GAPDHS: variants seen among roughly 807,000 people sequenced by gnomAD.
The protein encoded by GAPDHS is glyceraldehyde-3-phosphate dehydrogenase, testis-specific.
Under a neutral mutation model 48.7 loss-of-function variants are expected in GAPDHS, and 42 were observed. That is an observed-to-expected ratio of 0.86 (90% CI 0.67 to 1.12). GAPDHS has a LOEUF of 1.12. Ranked by LOEUF, GAPDHS falls within the 50% of genes most tolerant of loss-of-function variation. The pLI, the probability that GAPDHS is intolerant of heterozygous loss-of-function variation, is 0.00. For synonymous variants in GAPDHS, 166 were observed against 219.1 expected (o/e 0.76, Z 2.14); for missense variants, 512 against 557.7 (o/e 0.92, Z 0.82).
chr19:35,533,641 G>A (rs1568679978), intron 1 of GAPDHS, 47 bp downstream of exon 1: 1 of 1,454,170 alleles, frequency 6.9e-7, no homozygotes, highest in East Asian at 2.3e-5. Flanking sequence ...AAAGGGTAGT[G>A]GGGAGCGTCT....
intron 2 of GAPDHS, 117 bp downstream of exon 2, chr19:35,537,107 T>A: frequency 1.2e-6 from 1 of 848,174 alleles, no homozygotes; most frequent in Non-Finnish European, 1.8e-6. Flanking sequence ...CCGACGACCC[T>A]GGAGAAATAG....
intron 1 of GAPDHS, among the ~76,000 whole-genome samples, chr19:35,534,638 T>C (rs1242791180): frequency 6.6e-6 from 1 of 152,106 alleles, no homozygotes; most frequent in Non-Finnish European, 1.5e-5. Context: ...GGGTCACCCA[T>C]TGGGCTCAGA....
At chr19:35,543,962 C>G in intron 9 of GAPDHS, 135 bp downstream of exon 9, 1 of 1,416,496 alleles carries the variant, frequency 7.1e-7, no homozygotes, top group Non-Finnish European at 9.2e-7. Context: ...GCCTCAGGGC[C>G]TTTGCACTTG....
At chr19:35,534,120 G>C (rs555538523) in intron 1 of GAPDHS, among the ~76,000 whole-genome samples, 79 of 152,316 alleles carry the variant, frequency 5.2e-4, no homozygotes, top group African/African-American at 1.8e-3. Context: ...AGTTTACAGA[G>C]CGGCCAACAG....
chr19:35,544,738 T>C, intron 9 of GAPDHS, 171 bp from the exon 10 acceptor site: 1 of 632,374 alleles, frequency 1.6e-6, no homozygotes. Context: ...AGTGCCTTGG[T>C]CATACCCTGC....
Position 35,536,931 on chromosome 19 carries a change from C to T in GAPDHS, c.186C>T (p.Pro62=), listed in dbSNP as rs780082833. The T allele has an allele frequency of 6.2e-6, 10 of 1,614,096 alleles. No individual in the cohort carries two copies. The highest frequency in any genetic ancestry group is 2.2e-5 in the East Asian group (1 of 44,884). ...CACCGCCACCACTGCCTCCTCACCC[C>T]GCTACTCCTCCTCCTAAGATGGTGT... is the stretch of plus-strand genomic sequence containing the variant. ...KPPPPPLPPH[P]ATPPPKMVSV... The change falls in exon 2 of 11, where the codon CCC becomes CCT. Residue 62 remains proline, a synonymous_variant. Coordinates refer to ENST00000222286, the MANE Select transcript of GAPDHS (RefSeq NM_014364.5).
Position 35,541,964 on chromosome 19 carries a change from TCA to T in GAPDHS, c.450-352_450-351del, listed in dbSNP as rs554406406. Reference sequence around the variant, plus strand: ...GAAAGCAGCCGGGCAGGCCTCACAGTCACAGAGTCCACGTCCCGGGCAGCATA... The same window carrying T: ...GAAAGCAGCCGGGCAGGCCTCACAGTCAGAGTCCACGTCCCGGGCAGCATA... On this transcript the variant is annotated intron_variant, in intron 4 of 10. Coordinates refer to ENST00000222286, the MANE Select transcript of GAPDHS (RefSeq NM_014364.5). 168 of 273,492 alleles carry T rather than the reference TCA, an allele frequency of 6.1e-4. 1 individual carries two copies. In the Middle Eastern group the frequency reaches 9.0e-3, roughly 15 times the overall value. The allele number at this position is 273,492 out of a possible 1,614,324, so 16.9% of individuals were successfully genotyped here. A position where few individuals can be genotyped will look rare whatever the true frequency, so the allele number is the denominator to read the frequency against.
chr19:35,542,242 C>A, intron 4 of GAPDHS, 77 bp from the exon 5 acceptor site: 4 of 1,011,460 alleles, frequency 4.0e-6, no homozygotes, highest in South Asian at 1.3e-5. Flanking sequence ...CTCAGCCTGT[C>A]AAATGGTGAA....
chr19:35,541,393 G>A (rs887706840), intron 4 of GAPDHS: 1 of 151,864 alleles, frequency 6.6e-6, no homozygotes, highest in Non-Finnish European at 1.5e-5. Context: ...GGAAGATCAA[G>A]GCTGCAGTGA....
chr19:35,540,443 C>T (rs1003942296), intron 4 of GAPDHS, among the ~76,000 whole-genome samples: 1 of 152,168 alleles, frequency 6.6e-6, no homozygotes, highest in South Asian at 2.1e-4. Context: ...GCAGAGGAAT[C>T]GCAAGTGTCC....
chr19:35,539,919 C>A (rs916550722), intron 4 of GAPDHS, among the ~76,000 whole-genome samples: 39 of 152,226 alleles, frequency 2.6e-4, no homozygotes, highest in African/African-American at 9.4e-4. Context: ...GTCCACGGTC[C>A]CGACTCAGGT....
In GAPDHS at chr19:35,542,560, T is replaced by C; in HGVS notation, c.611T>C (p.Met204Thr). ...APSPDAPMFV[M>T]GVNENDYNPG... ...TCACCGGATGCACCAATGTTCGTCA[T>C]GGGTGTCAATGAAAATGACTATAAC... The change falls in exon 6 of 11, where the codon ATG (methionine) becomes ACG (threonine). Residue 204 changes from methionine (M) to threonine (T), a missense_variant. By Grantham distance (81) the Met-to-Thr change is moderately conservative (BLOSUM62 -1). Coordinates refer to ENST00000222286, the MANE Select transcript of GAPDHS (RefSeq NM_014364.5). 1 of 1,613,898 alleles carries C rather than the reference T, an allele frequency of 6.2e-7. No homozygotes were observed. Among genetic ancestry groups the C allele is most frequent in the Non-Finnish European group, 8.5e-7 (1 of 1,179,778 alleles).
At position 35,542,540 on chromosome 19, in the gene GAPDHS, G is replaced by T. The variant is rs148996097; in HGVS notation, c.591G>T (p.Pro197=). ...AQRVVISAPS[P]DAPMFVMGVN... ...GTGTGGTCATCTCCGCGCCCTCACC[G>T]GATGCACCAATGTTCGTCATGGGTG... Residue 197 remains proline, a synonymous_variant, in exon 6 of 11, where the codon CCG becomes CCT. Transcript: ENST00000222286. 4 of 1,613,868 alleles carry T rather than the reference G, an allele frequency of 2.5e-6. No individual in the cohort carries two copies. The highest frequency in any genetic ancestry group is 3.4e-6 in the Non-Finnish European group (4 of 1,179,958).
rs765726797 is a variant in GAPDHS at position 35,536,902 on chromosome 19, C to T, written c.157C>T (p.Pro53Ser). ...CACACCAGTCAGGGAGGAAATAAAG[C>T]CACCACCGCCACCACTGCCTCCTCA... is the stretch of plus-strand genomic sequence containing the variant. ...EPTPVREEIK[P>S]PPPPLPPHPA... Residue 53 changes from proline to serine, a missense_variant, in exon 2 of 11, where the codon CCA becomes TCA. Transcript: ENST00000222286. The T allele has an allele frequency of 3.0e-5, 48 of 1,613,892 alleles. No individual in the cohort carries two copies. The highest frequency in any genetic ancestry group is 4.0e-5 in the Non-Finnish European group (47 of 1,179,896).
Position 35,542,977 on chromosome 19 carries a change from C to G in GAPDHS, c.692C>G (p.Pro231Arg). Reference protein sequence around the residue: ...NASCTTNCLAPLAKVIHERFG... With the variant: ...NASCTTNCLARLAKVIHERFG... ...TCCTGCACCACCAACTGTTTGGCTC[C>G]CCTCGCCAAAGTCATCCACGAGCGA... Residue 231 changes from proline (P) to arginine (R), a missense_variant, in exon 7 of 11, where the codon CCC (proline) becomes CGC (arginine). Transcript: ENST00000222286. 2 of 1,614,098 alleles carry G rather than the reference C, an allele frequency of 1.2e-6. No homozygotes were observed. Among genetic ancestry groups the G allele is most frequent in the Non-Finnish European group, 1.7e-6 (2 of 1,179,942 alleles).
chr19:35,539,250 A>G (rs1484019914), intron 4 of GAPDHS, among the ~76,000 whole-genome samples: 1 of 151,946 alleles, frequency 6.6e-6, no homozygotes, highest in East Asian at 1.9e-4. Flanking sequence ...CCAGAACTCA[A>G]CTCTTGATTC....
In GAPDHS at chr19:35,533,492, A is replaced by G; in HGVS notation, c.-36A>G. The G allele has an allele frequency of 6.3e-7, 1 of 1,594,180 alleles. No homozygotes were observed. The highest frequency in any genetic ancestry group is 1.1e-5 in the South Asian group (1 of 90,678). On this transcript the variant is annotated 5_prime_UTR_variant, in exon 1 of 11. Coordinates refer to ENST00000222286, the MANE Select transcript of GAPDHS (RefSeq NM_014364.5). ...TCCGCACGCACCTCGGTAACATCACAGCAGGTCCAGGCCAATGATAACCTT... is the reference window on the plus strand; with the variant it reads ...TCCGCACGCACCTCGGTAACATCACGGCAGGTCCAGGCCAATGATAACCTT...
Position 35,536,969 on chromosome 19 carries a change from A to G in GAPDHS, c.224A>G (p.Glu75Gly), listed in dbSNP as rs1384393722. The G allele has an allele frequency of 6.2e-7, 1 of 1,613,750 alleles. No individual in the cohort carries two copies. ...PPPKMVSVAR[E>G]LTVGINGFGR... ...CCTAAGATGGTGTCTGTGGCCCGGGAGCTGACTGTGGGCATCAATGGGTGA... is the reference window on the plus strand; with the variant it reads ...CCTAAGATGGTGTCTGTGGCCCGGGGGCTGACTGTGGGCATCAATGGGTGA... Residue 75 changes from glutamate to glycine, a missense_variant, in exon 2 of 11, where the codon GAG becomes GGG. By Grantham distance (98) the Glu-to-Gly change is moderately conservative. Coordinates refer to ENST00000222286, the MANE Select transcript of GAPDHS (RefSeq NM_014364.5).
chr19:35,540,079 C>A (rs1645559206), intron 4 of GAPDHS, among the ~76,000 whole-genome samples: 1 of 152,232 alleles, frequency 6.6e-6, no homozygotes, highest in Non-Finnish European at 1.5e-5. Context: ...GGGCAAGGAA[C>A]CAAACTTGCC....
Sources: gnomAD v4.1 joint callset for allele counts (sites outside exome capture counted in the v4.1 genomes callset) on GRCh38, gnomAD v4.1.1 for gene constraint, MANE v1.5 for transcripts, NCBI Gene and HGNC (gene_info 2026-07-23, HGNC 2026-07-21) for gene names.